The following LRMDA variants were observed in gnomAD, a reference collection of about 807,000 sequenced individuals.
LRMDA encodes leucine-rich melanocyte differentiation-associated protein.
LRMDA carries 18 observed loss-of-function variants against 29.8 expected under a neutral mutation model. That is an observed-to-expected ratio of 0.60 (90% CI 0.42 to 0.90). The LOEUF (loss-of-function observed/expected upper bound fraction) is 0.90, where lower values mean the gene tolerates loss of function less well. Ranked by LOEUF, LRMDA falls within the 40% of genes least tolerant of loss-of-function variation. LRMDA has a pLI of 0.00. For synonymous variants in LRMDA, 125 were observed against 109.4 expected, an observed-to-expected ratio of 1.14 and a Z score of -0.89; for missense variants, 273 against 273.9, an observed-to-expected ratio of 1.00 and a Z score of 0.02.
At chr10:75,890,107 C>G (rs938805480) in intron 2 of LRMDA, among the ~76,000 whole-genome samples, 1 of 152,190 alleles carries the variant, frequency 6.6e-6, no homozygotes, top group African/African-American at 2.4e-5. Flanking sequence ...TCACTGTAAG[C>G]AAACGCAAAG....
chr10:75,660,769 C>T (rs1470583045), intron 2 of LRMDA, among the ~76,000 whole-genome samples: 2 of 151,234 alleles, frequency 1.3e-5, no homozygotes, highest in African/African-American at 2.4e-5. Flanking sequence ...AAAGAATTCA[C>T]AAGCCAAGTT....
chr10:76,200,074 G>T (rs2132231376), intron 5 of LRMDA, among the ~76,000 whole-genome samples: 1 of 152,236 alleles, frequency 6.6e-6, no homozygotes, highest in East Asian at 1.9e-4. Context: ...TGATCCTCCT[G>T]CCTCAGCCTC....
intron 6 of LRMDA, among the ~76,000 whole-genome samples, chr10:76,416,493 T>C (rs1842016311): frequency 6.6e-6 from 1 of 152,204 alleles, no homozygotes; most frequent in East Asian, 1.9e-4. Context: ...CCCAGGTTAG[T>C]TATGAAATTC....
intron 2 of LRMDA, among the ~76,000 whole-genome samples, chr10:75,786,955 C>A (rs916089139): frequency 4.6e-5 from 7 of 152,172 alleles, no homozygotes; most frequent in African/African-American, 1.7e-4. Context: ...GCAGAGGTAT[C>A]ACACAATTGA....
At chr10:76,325,123 C>A (rs1049084233) in intron 6 of LRMDA, among the ~76,000 whole-genome samples, 1 of 152,102 alleles carries the variant, frequency 6.6e-6, no homozygotes, top group Admixed American at 6.5e-5. Context: ...TATTGTTTCC[C>A]CAAGAAGGAA....
At chr10:75,879,223 G>A (rs1026023900) in intron 2 of LRMDA, among the ~76,000 whole-genome samples, 6 of 152,174 alleles carry the variant, frequency 3.9e-5, no homozygotes, top group East Asian at 3.9e-4. Context: ...AAGGGGCAGC[G>A]AGGCCCAGAG....
chr10:76,246,988 A>T (rs1247485), intron 5 of LRMDA, among the ~76,000 whole-genome samples: 1 of 151,972 alleles, frequency 6.6e-6, no homozygotes, highest in Admixed American at 6.6e-5. Context: ...AAGTGAAAAC[A>T]ATGGATTTAA....
intron 6 of LRMDA, among the ~76,000 whole-genome samples, chr10:76,359,044 C>T (rs1327406872): frequency 6.6e-6 from 1 of 152,126 alleles, no homozygotes; most frequent in Non-Finnish European, 1.5e-5. Flanking sequence ...TCTCTGTTCT[C>T]CCAGCCCATC....
rs58554883 is a variant in LRMDA, at chr10:76,261,064, C to CTTTTTTT, written c.517-63325_517-63319dup. Among the ~76,000 whole-genome samples, 114 of 117,694 alleles carry CTTTTTTT rather than the reference C, an allele frequency of 9.7e-4. 2 individuals are homozygous for CTTTTTTT. Among genetic ancestry groups the CTTTTTTT allele is most frequent in the Middle Eastern group, 4.9e-3 (1 of 206 alleles). 77.2% of individuals were successfully genotyped at this position (117,694 alleles called of 152,430 possible). A position where few individuals can be genotyped will look rare whatever the true frequency, so the allele number is the denominator to read the frequency against. On this transcript the variant is annotated intron_variant, in intron 5 of 6. Coordinates refer to ENST00000611255, the MANE Select transcript of LRMDA (RefSeq NM_001305581.2). ...GATTGACTTGCGTTTCTTTTCTTTTCTTTTTTTTTTTTTTTTTTGAGACGG... is the reference window on the plus strand; with the variant it reads ...GATTGACTTGCGTTTCTTTTCTTTTCTTTTTTTTTTTTTTTTTTTTTTTTTGAGACGG...
chr10:76,537,888 T>C (rs747643329), intron 6 of LRMDA, among the ~76,000 whole-genome samples: 1 of 152,216 alleles, frequency 6.6e-6, no homozygotes, highest in Non-Finnish European at 1.5e-5. Context: ...AACCTCAGTA[T>C]ATTTACACAT....
At chr10:75,681,225 A>G (rs1159993757) in intron 2 of LRMDA, among the ~76,000 whole-genome samples, 1 of 152,238 alleles carries the variant, frequency 6.6e-6, no homozygotes, top group African/African-American at 2.4e-5. Context: ...AGAGGAGTTA[A>G]GACAGAATGA....
chr10:75,563,601 G>A (rs1589186169), intron 2 of LRMDA, among the ~76,000 whole-genome samples: 1 of 152,136 alleles, frequency 6.6e-6, no homozygotes, highest in Non-Finnish European at 1.5e-5. Flanking sequence ...AGGAGGAGAG[G>A]CGCTCTGCTT....
At chr10:75,670,538 G>C (rs1841878703) in intron 2 of LRMDA, among the ~76,000 whole-genome samples, 1 of 152,198 alleles carries the variant, frequency 6.6e-6, no homozygotes, top group South Asian at 2.1e-4. Flanking sequence ...GCATGTAGAT[G>C]GTGAGGAGCT....
At chr10:76,114,313 G>C (rs1273768543) in intron 5 of LRMDA, among the ~76,000 whole-genome samples, 1 of 152,220 alleles carries the variant, frequency 6.6e-6, no homozygotes, top group Non-Finnish European at 1.5e-5. Context: ...ATGAAAGATA[G>C]TGTTTCCACC....
chr10:76,334,550 C>T (rs755070048), intron 6 of LRMDA, among the ~76,000 whole-genome samples: 3 of 152,150 alleles, frequency 2.0e-5, no homozygotes, highest in Admixed American at 6.5e-5. Flanking sequence ...CTCGGCCTGC[C>T]GTCCTCCAGC....
intron 2 of LRMDA, among the ~76,000 whole-genome samples, chr10:75,734,201 A>C (rs948378733): frequency 2.6e-5 from 4 of 152,210 alleles, no homozygotes; most frequent in Non-Finnish European, 5.9e-5. Context: ...GGATGATATG[A>C]ACTTGGATAT....
intron 2 of LRMDA, among the ~76,000 whole-genome samples, chr10:75,636,665 T>G (rs571166786): frequency 6.6e-6 from 1 of 152,322 alleles, no homozygotes; most frequent in African/African-American, 2.4e-5. Context: ...CTTAATTCAT[T>G]AGGTGATAAA....
At chr10:75,664,069 C>G (rs113849184) in intron 2 of LRMDA, among the ~76,000 whole-genome samples, 3 of 152,182 alleles carry the variant, frequency 2.0e-5, no homozygotes, top group Admixed American at 1.3e-4. Flanking sequence ...TTGGCCAGTA[C>G]TGTTCTAACC....
At chr10:75,534,490 G>A (rs1377678547) in intron 2 of LRMDA, among the ~76,000 whole-genome samples, 1 of 152,148 alleles carries the variant, frequency 6.6e-6, no homozygotes, top group Non-Finnish European at 1.5e-5. Context: ...ATTTGGCAGG[G>A]GGGGATTCTA....
Sources: gnomAD v4.1 joint callset for allele counts (sites outside exome capture counted in the v4.1 genomes callset) on GRCh38, gnomAD v4.1.1 for gene constraint, MANE v1.5 for transcripts, NCBI Gene and HGNC (gene_info 2026-07-23, HGNC 2026-07-21) for gene names.